CDH18: variants seen among roughly 807,000 people sequenced by gnomAD.
CDH18 encodes the protein cadherin 18, also known as cadherin-18.
Under a neutral mutation model 67.9 loss-of-function variants are expected in CDH18, and 31 were observed. That is an observed-to-expected ratio of 0.46 (90% CI 0.34 to 0.62). CDH18 has a LOEUF of 0.62. CDH18 is among the 20% of genes least tolerant of loss of function. The pLI is 0.01. For synonymous variants in CDH18, 362 were observed against 347.2 expected, an observed-to-expected ratio of 1.04 and a Z score of -0.48; for missense variants, 890 against 975.5, an observed-to-expected ratio of 0.91 and a Z score of 1.17.
chr5:20,058,880 TG>T (rs1742223748), intron 2 of CDH18, among the ~76,000 whole-genome samples: 1 of 152,164 alleles, frequency 6.6e-6, no homozygotes, highest in South Asian at 2.1e-4. Context: ...CTGGCCCAGT[TG>T]GAACTAGTAA....
At chr5:20,513,679 C>G (rs144903002) in intron 1 of CDH18, among the ~76,000 whole-genome samples, 34 of 152,200 alleles carry the variant, frequency 2.2e-4, no homozygotes, top group South Asian at 1.5e-3. Context: ...TTTCTTATAA[C>G]TTTTTGGGCC....
At chr5:19,540,256 T>C (rs1190152978) in intron 9 of CDH18, among the ~76,000 whole-genome samples, 1 of 152,098 alleles carries the variant, frequency 6.6e-6, no homozygotes, top group Admixed American at 6.5e-5. Flanking sequence ...GTCCAGGTCA[T>C]GCTGATACAA....
intron 2 of CDH18, among the ~76,000 whole-genome samples, chr5:20,106,980 T>C (rs1338895204): frequency 6.6e-6 from 1 of 152,230 alleles, no homozygotes; most frequent in African/African-American, 2.4e-5. Flanking sequence ...TTGTTTGTAT[T>C]AATTTATTTG....
chr5:19,485,972 G>A (rs1740332263), intron 11 of CDH18, among the ~76,000 whole-genome samples: 1 of 152,100 alleles, frequency 6.6e-6, no homozygotes, highest in African/African-American at 2.4e-5. Context: ...AATGCAATCA[G>A]AAATAAGACA....
intron 1 of CDH18, among the ~76,000 whole-genome samples, chr5:20,393,064 T>A (rs948253750): frequency 6.6e-6 from 1 of 151,870 alleles, no homozygotes; most frequent in African/African-American, 2.4e-5. Context: ...TGGAAACACA[T>A]ACACAAATAT....
At chr5:20,375,281 A>G (rs917964146) in intron 1 of CDH18, among the ~76,000 whole-genome samples, 11 of 152,194 alleles carry the variant, frequency 7.2e-5, no homozygotes, top group African/African-American at 2.7e-4. Context: ...GGACAATGAT[A>G]CCTATTATTA....
intron 2 of CDH18, among the ~76,000 whole-genome samples, chr5:20,156,873 A>G (rs1354799725): frequency 6.6e-6 from 1 of 152,236 alleles, no homozygotes; most frequent in Middle Eastern, 3.2e-3. Context: ...GAAAAATGTG[A>G]CTACAGAAAT....
chr5:19,515,021 G>C (rs1745748591), intron 10 of CDH18, among the ~76,000 whole-genome samples: 1 of 152,200 alleles, frequency 6.6e-6, no homozygotes, highest in Non-Finnish European at 1.5e-5. Flanking sequence ...ATTAATATCT[G>C]TATAAGGTGT....
chr5:20,437,452 G>C (rs13355121), intron 1 of CDH18, among the ~76,000 whole-genome samples: 32,295 of 151,080 alleles, frequency 0.21, 3,799 homozygotes, highest in East Asian at 0.3. Flanking sequence ...TTTATGCCTA[G>C]AGTAATTAAT....
chr5:19,485,534 C>T (rs943095784), intron 11 of CDH18, among the ~76,000 whole-genome samples: 2 of 152,052 alleles, frequency 1.3e-5, no homozygotes, highest in Non-Finnish European at 2.9e-5. Flanking sequence ...GGATTACAGG[C>T]GTGAGCCACT....
At chr5:20,324,674 C>G (rs559648170) in intron 1 of CDH18, among the ~76,000 whole-genome samples, 2 of 152,070 alleles carry the variant, frequency 1.3e-5, no homozygotes, top group South Asian at 4.1e-4. Flanking sequence ...TTATTTGTTT[C>G]TATGGGTGAG....
At chr5:19,797,001 G>A (rs1349255848) in intron 3 of CDH18, among the ~76,000 whole-genome samples, 1 of 151,562 alleles carries the variant, frequency 6.6e-6, no homozygotes, top group Non-Finnish European at 1.5e-5. Flanking sequence ...GAGAAACAGA[G>A]AAAACAAATG....
intron 2 of CDH18, among the ~76,000 whole-genome samples, chr5:20,019,684 T>C (rs1423635792): frequency 2.0e-5 from 3 of 152,172 alleles, no homozygotes; most frequent in Non-Finnish European, 4.4e-5. Context: ...TGTAAGTCAA[T>C]TAAAACACTT....
intron 11 of CDH18, among the ~76,000 whole-genome samples, chr5:19,486,759 T>C (rs1740473276): frequency 6.6e-6 from 1 of 152,140 alleles, no homozygotes; most frequent in Non-Finnish European, 1.5e-5. Context: ...CGCCATTGCA[T>C]GCCAGCCTAG....
intron 1 of CDH18, among the ~76,000 whole-genome samples, chr5:20,519,352 C>T (rs1755579345): frequency 6.6e-6 from 1 of 152,072 alleles, no homozygotes; most frequent in Non-Finnish European, 1.5e-5. Context: ...TCATCATTCT[C>T]AGCAAACTAT....
At chr5:20,542,178 T>C (rs1757087462) in intron 1 of CDH18, among the ~76,000 whole-genome samples, 3 of 152,308 alleles carry the variant, frequency 2.0e-5, no homozygotes, top group Admixed American at 2.0e-4. Flanking sequence ...TTTTCCATAG[T>C]ATCTACAGCA....
chr5:20,422,150 T>G (rs938306534), intron 1 of CDH18, among the ~76,000 whole-genome samples: 2 of 151,016 alleles, frequency 1.3e-5, no homozygotes, highest in Non-Finnish European at 2.9e-5. Flanking sequence ...AAAAATTTTG[T>G]TTTTCCAAAT....
intron 2 of CDH18, among the ~76,000 whole-genome samples, chr5:19,867,037 T>C (rs1283230436): frequency 6.6e-6 from 1 of 152,024 alleles, no homozygotes; most frequent in Admixed American, 6.6e-5. Context: ...TGCAGTGAGC[T>C]GAGATTGCGC....
intron 2 of CDH18, among the ~76,000 whole-genome samples, chr5:20,045,738 GAGACTTGTAAAA>G (rs1740840375): frequency 6.6e-6 from 1 of 151,914 alleles, no homozygotes; most frequent in Non-Finnish European, 1.5e-5. Flanking sequence ...CATTTGAAAA[GAGACTTGTAAAA>G]AACAAAGGCA....
Sources: gnomAD v4.1 joint callset for allele counts (sites outside exome capture counted in the v4.1 genomes callset) on GRCh38, gnomAD v4.1.1 for gene constraint, MANE v1.5 for transcripts, NCBI Gene and HGNC (gene_info 2026-07-23, HGNC 2026-07-21) for gene names.